Variants in CAMK1D observed in about 807,000 individuals in gnomAD.
CAMK1D encodes the protein calcium/calmodulin dependent protein kinase ID.
A neutral mutation model predicts 47.7 loss-of-function variants in CAMK1D; 9 were observed. The ratio of observed to expected loss-of-function variants is 0.19; its 90% CI spans 0.11 to 0.33. The LOEUF (loss-of-function observed/expected upper bound fraction) is 0.33. CAMK1D is among the 10% of genes least tolerant of loss of function. The pLI is 1.00. For synonymous variants in CAMK1D, 184 were observed against 184.9 expected (o/e 0.99, Z 0.04); for missense variants, 291 against 488.7 (o/e 0.60, Z 3.81).
At chr10:12,570,807 C>G (rs1456338701) in intron 2 of CAMK1D, among the ~76,000 whole-genome samples, 1 of 151,700 alleles carries the variant, frequency 6.6e-6, no homozygotes, top group African/African-American at 2.4e-5. Context: ...ATAAATTAGC[C>G]AGGCGTGGTA....
chr10:12,535,135 A>G (rs960382673), intron 1 of CAMK1D, among the ~76,000 whole-genome samples: 1 of 152,138 alleles, frequency 6.6e-6, no homozygotes, highest in African/African-American at 2.4e-5. Context: ...GCTACAGCCC[A>G]TCGTATGCGC....
At chr10:12,374,249 ACT>A (rs1453640679) in intron 1 of CAMK1D, among the ~76,000 whole-genome samples, 9 of 115,552 alleles carry the variant, frequency 7.8e-5, no homozygotes, top group Admixed American at 3.9e-4. Context: ...ACAGAGCGAG[ACT>A]CTGTCTCAAA....
intron 3 of CAMK1D, among the ~76,000 whole-genome samples, chr10:12,668,054 T>C (rs1259011541): frequency 6.6e-6 from 1 of 152,230 alleles, no homozygotes; most frequent in African/African-American, 2.4e-5. Flanking sequence ...TTTTACTTCT[T>C]GGTTACCATG....
At chr10:12,439,420 A>G (rs1248152527) in intron 1 of CAMK1D, among the ~76,000 whole-genome samples, 2 of 152,092 alleles carry the variant, frequency 1.3e-5, no homozygotes, top group Non-Finnish European at 1.5e-5. Context: ...TTCAGGGAGC[A>G]TTATTGCTGT....
At chr10:12,570,285 G>A (rs375641702) in intron 2 of CAMK1D, among the ~76,000 whole-genome samples, 11 of 152,080 alleles carry the variant, frequency 7.2e-5, no homozygotes, top group South Asian at 6.2e-4. Context: ...ATCCAAGAGC[G>A]CTTAAACCTG....
At chr10:12,639,781 A>G (rs772641445) in intron 2 of CAMK1D, among the ~76,000 whole-genome samples, 4 of 152,138 alleles carry the variant, frequency 2.6e-5, no homozygotes, top group Non-Finnish European at 5.9e-5. Flanking sequence ...GATGCTTCTC[A>G]TGATAATGCT....
intron 2 of CAMK1D, among the ~76,000 whole-genome samples, chr10:12,659,743 T>C (rs1266474834): frequency 1.3e-5 from 2 of 152,200 alleles, no homozygotes; most frequent in Non-Finnish European, 2.9e-5. Flanking sequence ...GGCAATTCCA[T>C]GCCAGGGAAC....
At chr10:12,707,938 ATACTCAG>A (rs1833789996) in intron 3 of CAMK1D, among the ~76,000 whole-genome samples, 1 of 152,114 alleles carries the variant, frequency 6.6e-6, no homozygotes, top group South Asian at 2.1e-4. Flanking sequence ...GCCATAGGAG[ATACTCAG>A]TAAATGGGAT....
At chr10:12,769,970 T>G (rs1419849270) in intron 5 of CAMK1D, among the ~76,000 whole-genome samples, 171 bp downstream of exon 5, 1 of 152,372 alleles carries the variant, frequency 6.6e-6, no homozygotes, top group East Asian at 1.9e-4. Flanking sequence ...GACACTGGAA[T>G]GAATAATTCA....
At chr10:12,445,280 G>A (rs936965210) in intron 1 of CAMK1D, among the ~76,000 whole-genome samples, 5 of 152,242 alleles carry the variant, frequency 3.3e-5, no homozygotes, top group African/African-American at 1.2e-4. Context: ...TTGGCCAAGA[G>A]GAAGGTCCTC....
chr10:12,553,413 C>T (rs1588626018), intron 2 of CAMK1D, 57 bp downstream of exon 2: 1 of 1,434,938 alleles, frequency 7.0e-7, no homozygotes, highest in African/African-American at 1.4e-5. Flanking sequence ...GTGTGTCCTG[C>T]AGGAGTCCTG....
In CAMK1D at chr10:12,814,317, C is replaced by T. The variant is rs1832716534; in HGVS notation, c.754+10C>T. 3.2e-6 allele frequency: 5 copies of T among 1,566,114 alleles called. No homozygotes were observed. The East Asian group carries it at 1.1e-4, about 35-fold the overall frequency. ...GACATCTCCGACTCTGGTAGGTCTC[C>T]CATAGGCAGCTCCCAGTGGGCGGCC... On this transcript the variant is annotated intron_variant, in intron 7 of 10. Coordinates refer to ENST00000619168, the MANE Select transcript of CAMK1D (RefSeq NM_153498.4).
At chr10:12,744,047 T>C (rs57364629) in intron 3 of CAMK1D, among the ~76,000 whole-genome samples, 22,858 of 151,892 alleles carry the variant, frequency 0.15, 4,049 homozygotes, top group African/African-American at 0.43. Context: ...AAATTTGCCT[T>C]TTCTGGACAT....
chr10:12,443,641 T>C (rs1024917366), intron 1 of CAMK1D, among the ~76,000 whole-genome samples: 1 of 152,070 alleles, frequency 6.6e-6, no homozygotes, highest in Non-Finnish European at 1.5e-5. Context: ...TTTTTTTTTT[T>C]ATTTTTGAGA....
At chr10:12,705,325 A>T (rs1478044666) in intron 3 of CAMK1D, among the ~76,000 whole-genome samples, 1 of 151,824 alleles carries the variant, frequency 6.6e-6, no homozygotes, top group African/African-American at 2.4e-5. Flanking sequence ...GCTGGGCGTG[A>T]TGGTGAACTC....
intron 1 of CAMK1D, among the ~76,000 whole-genome samples, chr10:12,363,616 CA>C (rs1349094438): frequency 6.8e-6 from 1 of 146,658 alleles, no homozygotes; most frequent in South Asian, 2.2e-4. Context: ...AGGATACTGA[CA>C]AAAAAGGCTA....
intron 1 of CAMK1D, among the ~76,000 whole-genome samples, chr10:12,363,136 T>C (rs1396757908): frequency 6.6e-6 from 1 of 151,186 alleles, no homozygotes; most frequent in Non-Finnish European, 1.5e-5. Context: ...AGACAGGGTT[T>C]CACCATATTG....
intron 1 of CAMK1D, among the ~76,000 whole-genome samples, chr10:12,354,172 G>A (rs1301294051): frequency 1.3e-5 from 2 of 152,088 alleles, no homozygotes; most frequent in South Asian, 2.1e-4. Flanking sequence ...TCATCTCCGC[G>A]GGATATGAAT....
intron 2 of CAMK1D, among the ~76,000 whole-genome samples, chr10:12,627,141 G>A (rs1839242142): frequency 6.8e-6 from 1 of 147,498 alleles, no homozygotes; most frequent in Admixed American, 6.8e-5. Context: ...GAGTGCAGTG[G>A]CTCGATCTCC....
Sources: allele counts gnomAD v4.1 joint callset (sites outside exome capture counted in the v4.1 genomes callset), GRCh38; gene constraint gnomAD v4.1.1; transcripts MANE v1.5; gene names NCBI Gene and HGNC (gene_info 2026-07-23, HGNC 2026-07-21).